LYN: variants seen among roughly 807,000 people sequenced by gnomAD.
LYN encodes the protein LYN proto-oncogene, Src family tyrosine kinase.
Under a neutral mutation model 65.0 loss-of-function variants are expected in LYN, and 12 were observed. The ratio of observed to expected loss-of-function variants is 0.18; its 90% confidence interval spans 0.12 to 0.30. LYN has a LOEUF of 0.30. Ranked by LOEUF, LYN falls within the 10% of genes least tolerant of loss-of-function variation. The probability of loss-of-function intolerance (pLI) is 1.00; values close to 1 mark genes in which losing one functional copy is unlikely to be tolerated. For missense variants in LYN, 380 were observed against 623.2 expected (o/e 0.61, Z 4.16); for synonymous variants, 222 against 221.2 (o/e 1.00, Z -0.03).
chr8:55,959,432 A>G (rs1807212553), intron 8 of LYN, among the ~76,000 whole-genome samples: 1 of 152,238 alleles, frequency 6.6e-6, no homozygotes, highest in African/African-American at 2.4e-5. Context: ...GGGATTACAT[A>G]ACAATTGAAA....
At position 56,010,362 on chromosome 8, in the gene LYN, C is replaced by A; in HGVS notation, c.*252C>A. On this transcript the variant is annotated 3_prime_UTR_variant, in exon 13 of 13. Transcript: ENST00000519728. ...CTGGTAATCTTGCTCTGCTTGACAACATCTGAGTGCAGCCGTTTGAGAAGA... is the reference window on the plus strand; with the variant it reads ...CTGGTAATCTTGCTCTGCTTGACAAAATCTGAGTGCAGCCGTTTGAGAAGA... 2.1e-6 allele frequency: 1 copy of A among 478,544 alleles called. No individual in the cohort carries two copies. 29.6% of individuals were successfully genotyped at this position (478,544 alleles called of 1,614,324 possible). A position where few individuals can be genotyped will look rare whatever the true frequency, so the allele number is the denominator to read the frequency against.
chr8:55,885,608 C>T (rs923137030), intron 1 of LYN, among the ~76,000 whole-genome samples: 3 of 152,290 alleles, frequency 2.0e-5, no homozygotes, highest in East Asian at 1.9e-4. Context: ...GAAGCAATGA[C>T]GTCTTCTTGG....
rs1554576222 is a variant in LYN at position 55,911,192 on chromosome 8, C to CATATAT, written c.-5-30662_-5-30661insTATATA. On this transcript the variant is annotated intron_variant, in intron 1 of 12. Transcript: ENST00000519728. ...ATACACGTATATATATATATATACA[C>CATATAT]ACACACATATATATATACACGTGTA... 4.5e-4 allele frequency among the ~76,000 whole-genome samples: 4 copies of CATATAT among 8,798 alleles called. 1 individual carries two copies. Among genetic ancestry groups the CATATAT allele is most frequent in the Admixed American group, 2.6e-3 (1 of 380 alleles). The allele number at this position is 8,798 out of a possible 152,430, so 5.8% of individuals were successfully genotyped here.
chr8:55,948,397 C>A (rs191618821), intron 4 of LYN, among the ~76,000 whole-genome samples: 1 of 152,212 alleles, frequency 6.6e-6, no homozygotes, highest in East Asian at 1.9e-4. Context: ...GTTCATGGGC[C>A]CAGCCTAGCT....
At chr8:55,974,345 C>A (rs1807694098) in intron 10 of LYN, among the ~76,000 whole-genome samples, 1 of 152,134 alleles carries the variant, frequency 6.6e-6, no homozygotes, top group South Asian at 2.1e-4. Context: ...GTCTTTATTG[C>A]CAAGATGGAG....
At chr8:56,001,121 G>C (rs547530005) in intron 12 of LYN, among the ~76,000 whole-genome samples, 1 of 152,246 alleles carries the variant, frequency 6.6e-6, no homozygotes, top group South Asian at 2.1e-4. Flanking sequence ...CAGAGGGAGG[G>C]AGTCTTGGGC....
In LYN at chr8:55,928,437, C is replaced by T. The variant is rs116868651; in HGVS notation, c.-5-13418C>T. ...CTGGGATTACAGTCATGAGCCACCACGCAGGGCCCATTGTTGCTTTAATTT... is the reference window on the plus strand; with the variant it reads ...CTGGGATTACAGTCATGAGCCACCATGCAGGGCCCATTGTTGCTTTAATTT... On this transcript the variant is annotated intron_variant, in intron 1 of 12. Coordinates refer to ENST00000519728, the MANE Select transcript of LYN (RefSeq NM_002350.4). 2.9e-3 allele frequency among the ~76,000 whole-genome samples: 443 copies of T among 152,308 alleles called. 3 individuals carry two copies. Among genetic ancestry groups the T allele is most frequent in the African/African-American group, 8.9e-3 (371 of 41,572 alleles).
chr8:55,883,687 G>C (rs756556547), intron 1 of LYN, among the ~76,000 whole-genome samples: 2 of 152,224 alleles, frequency 1.3e-5, no homozygotes, highest in African/African-American at 2.4e-5. Context: ...CATCATTTAA[G>C]TGAAAATATA....
At chr8:55,928,684 C>A (rs1025020347) in intron 1 of LYN, among the ~76,000 whole-genome samples, 1 of 151,964 alleles carries the variant, frequency 6.6e-6, no homozygotes, top group Non-Finnish European at 1.5e-5. Flanking sequence ...TGTGGCTTGT[C>A]TTTTTATTTT....
At chr8:55,981,644 C>T (rs1807926765) in intron 10 of LYN, among the ~76,000 whole-genome samples, 1 of 152,172 alleles carries the variant, frequency 6.6e-6, no homozygotes, top group African/African-American at 2.4e-5. Flanking sequence ...GTGTGAGCCA[C>T]CGTGCCCGGC....
intron 12 of LYN, among the ~76,000 whole-genome samples, chr8:56,008,124 A>AAAAAATAAATAAAAAT (rs1221275260): frequency 1.2e-5 from 1 of 86,638 alleles, no homozygotes; most frequent in African/African-American, 4.1e-5. Flanking sequence ...GCCTCAAAAA[A>AAAAAATAAATAAAAAT]AAAATAAAAT....
rs1437105557 is a variant in LYN at position 55,954,350 on chromosome 8, T to C, written c.790+366T>C. Reference sequence around the variant, plus strand: ...AAGGTTATCTTAGGGCTGGAACCCATTGGCTTAATAGAAAGCCTCAATGTA... The same window carrying C: ...AAGGTTATCTTAGGGCTGGAACCCACTGGCTTAATAGAAAGCCTCAATGTA... On this transcript the variant is annotated intron_variant, in intron 8 of 12. Coordinates refer to ENST00000519728, the MANE Select transcript of LYN (RefSeq NM_002350.4). 2.6e-5 allele frequency among the ~76,000 whole-genome samples: 4 copies of C among 152,218 alleles called. No homozygotes were observed. In the East Asian group the frequency reaches 5.8e-4, roughly 22 times the overall value.
rs183909340 is a variant in LYN, at chr8:55,951,551, G to C, written c.488-415G>C. Among the ~76,000 whole-genome samples, 3 of 152,096 alleles carry C rather than the reference G, an allele frequency of 2.0e-5. No homozygotes were observed. The East Asian group carries it at 5.8e-4, about 29-fold the overall frequency. ...GTGGTGGTGCATGATCGTAGTCTCA[G>C]CTACTTGAGAGGTTGGGGTAGAAAG... On this transcript the variant is annotated intron_variant, in intron 6 of 12. Transcript: ENST00000519728.
intron 10 of LYN, among the ~76,000 whole-genome samples, chr8:55,981,419 A>G (rs906618891): frequency 7.2e-5 from 11 of 152,230 alleles, no homozygotes; most frequent in African/African-American, 2.7e-4. Flanking sequence ...GCCACTTAAA[A>G]TGGGGATTGA....
intron 1 of LYN, among the ~76,000 whole-genome samples, chr8:55,934,831 A>C (rs1282309680): frequency 6.6e-6 from 1 of 152,200 alleles, no homozygotes; most frequent in Non-Finnish European, 1.5e-5. Flanking sequence ...GGAGGCTGGC[A>C]GGCACCTTGG....
chr8:55,881,863 C>CA (rs1804661971), intron 1 of LYN, among the ~76,000 whole-genome samples: 1 of 152,174 alleles, frequency 6.6e-6, no homozygotes, highest in South Asian at 2.1e-4. Flanking sequence ...AAAATGATAG[C>CA]CCCAGTGCCT....
intron 12 of LYN, among the ~76,000 whole-genome samples, chr8:56,008,127 A>T (rs914900145): frequency 7.1e-6 from 1 of 141,244 alleles, no homozygotes; most frequent in Non-Finnish European, 1.6e-5. Flanking sequence ...TCAAAAAAAA[A>T]ATAAAATAAA....
rs2130491844 is a variant in LYN, at chr8:55,950,563, T to C, written c.383+6T>C. On this transcript the variant is annotated splice_donor_region_variant and intron_variant, in intron 5 of 12. Transcript: ENST00000519728. ...AACACCTTAGAAACAGAAGAGTGAG[T>C]CCTCATGTGTTGTCATCTTGGTGGC... 1 of 1,610,046 alleles carries C rather than the reference T, an allele frequency of 6.2e-7. No individual in the cohort carries two copies. The highest frequency in any genetic ancestry group is 2.2e-5 in the East Asian group (1 of 44,856).
chr8:55,912,838 A>C (rs1397975), intron 1 of LYN, among the ~76,000 whole-genome samples: 136,555 of 151,942 alleles, frequency 0.9, 61,449 homozygotes, highest in East Asian at 0.98. Context: ...AAAAATATGT[A>C]TTCTTTTAAT....
Sources: allele counts gnomAD v4.1 joint callset (sites outside exome capture counted in the v4.1 genomes callset), GRCh38; gene constraint gnomAD v4.1.1; transcripts MANE v1.5; gene names NCBI Gene and HGNC (gene_info 2026-07-23, HGNC 2026-07-21).